RGL1: variants seen among roughly 807,000 people sequenced by gnomAD.
RGL1 encodes the protein ral guanine nucleotide dissociation stimulator-like 1.
A neutral mutation model predicts 95.2 loss-of-function variants in RGL1; 24 were observed. The ratio of observed to expected loss-of-function variants is 0.25; its 90% confidence interval spans 0.18 to 0.35. The LOEUF (loss-of-function observed/expected upper bound fraction) is 0.35, where lower values mean the gene tolerates loss of function less well. Among genes scored for constraint, RGL1 ranks in the 10% least tolerant of loss-of-function variants. The probability of loss-of-function intolerance (pLI) is 1.00; values close to 1 mark genes in which losing one functional copy is unlikely to be tolerated. For missense variants in RGL1, 715 were observed against 936.3 expected (o/e 0.76, Z 3.08); for synonymous variants, 329 against 344.9 (o/e 0.95, Z 0.51).
intron 1 of RGL1, among the ~76,000 whole-genome samples, chr1:183,650,205 C>CT: frequency 6.6e-6 from 1 of 152,196 alleles, no homozygotes; most frequent in East Asian, 1.9e-4. Context: ...TTATACCCTG[C>CT]TTTTTCACTT....
upstream of RGL1, among the ~76,000 whole-genome samples, chr1:183,800,433 C>T (rs1017688877): frequency 2.6e-5 from 4 of 152,038 alleles, no homozygotes; most frequent in East Asian, 5.8e-4. Flanking sequence ...ATACCTCTTT[C>T]CTCTTATATG....
At chr1:183,783,964 A>G (rs1404999438) in intron 2 of RGL1, among the ~76,000 whole-genome samples, 1 of 152,152 alleles carries the variant, frequency 6.6e-6, no homozygotes, top group Non-Finnish European at 1.5e-5. Flanking sequence ...CAATGATGAG[A>G]TTATTCTGAG....
At chr1:183,638,355 A>G (rs1400219261) in intron 1 of RGL1, among the ~76,000 whole-genome samples, 1 of 152,168 alleles carries the variant, frequency 6.6e-6, no homozygotes, top group Non-Finnish European at 1.5e-5. Context: ...AGTATTTTTT[A>G]TTGTCTCACA....
intron 2 of RGL1, among the ~76,000 whole-genome samples, chr1:183,833,476 G>T (rs1663402482): frequency 6.6e-6 from 1 of 152,174 alleles, no homozygotes; most frequent in Non-Finnish European, 1.5e-5. Context: ...AATCTCTGGG[G>T]CATGGGCTCA....
At chr1:183,665,861 GT>G (rs1201454346) in intron 1 of RGL1, among the ~76,000 whole-genome samples, 2 of 151,646 alleles carry the variant, frequency 1.3e-5, no homozygotes, top group Non-Finnish European at 2.9e-5. Context: ...TTTCTCCATT[GT>G]TTTTCTATTT....
intron 1 of RGL1, among the ~76,000 whole-genome samples, chr1:183,681,959 G>A (rs557978632): frequency 6.6e-6 from 1 of 152,298 alleles, no homozygotes; most frequent in African/African-American, 2.4e-5. Flanking sequence ...TTGTGTAGAG[G>A]TGTTTATAGT....
At chr1:183,856,857 A>T (rs1219740678) in intron 3 of RGL1, among the ~76,000 whole-genome samples, 1 of 152,110 alleles carries the variant, frequency 6.6e-6, no homozygotes, top group Non-Finnish European at 1.5e-5. Flanking sequence ...TGCCTTTCAT[A>T]AAAGGTCTCA....
In RGL1 at chr1:183,908,449, C is replaced by G. The variant is rs976420548; in HGVS notation, c.1562+1348C>G. 3.3e-5 allele frequency among the ~76,000 whole-genome samples: 5 copies of G among 152,216 alleles called. No homozygotes were observed. The South Asian group carries it at 1.0e-3, about 32-fold the overall frequency. On this transcript the variant is annotated intron_variant, in intron 14 of 17. Transcript: ENST00000360851. ...CTTTAGTAGAAAGCATCTGGAAGATCATCCTGTGTTTTGCTCACCCTCTCT... is the reference window on the plus strand; with the variant it reads ...CTTTAGTAGAAAGCATCTGGAAGATGATCCTGTGTTTTGCTCACCCTCTCT...
intron 2 of RGL1, among the ~76,000 whole-genome samples, chr1:183,799,362 A>T (rs970855225): frequency 2.2e-4 from 34 of 152,162 alleles, no homozygotes; most frequent in Non-Finnish European, 2.9e-4. Flanking sequence ...TGGTAGTTCT[A>T]TTTTTAATTT....
chr1:183,857,606 G>T (rs551637936), intron 3 of RGL1, among the ~76,000 whole-genome samples: 2 of 152,138 alleles, frequency 1.3e-5, no homozygotes, highest in Non-Finnish European at 2.9e-5. Context: ...AAGCATGGCC[G>T]GAGCCAGAAT....
intron 2 of RGL1, among the ~76,000 whole-genome samples, chr1:183,795,071 A>G (rs1025278121): frequency 6.6e-6 from 1 of 152,176 alleles, no homozygotes; most frequent in Non-Finnish European, 1.5e-5. Context: ...GTCTTGCTGC[A>G]TTGCCCAGGC....
At chr1:183,889,387 A>G (rs560214161) in intron 8 of RGL1, among the ~76,000 whole-genome samples, 61 of 152,318 alleles carry the variant, frequency 4.0e-4, no homozygotes, top group African/African-American at 1.4e-3. Flanking sequence ...GGAAGAATCT[A>G]TAAATTCTGT....
intron 16 of RGL1, among the ~76,000 whole-genome samples, chr1:183,919,724 G>A (rs10911469): frequency 0.58 from 88,274 of 152,026 alleles, 25,707 homozygotes; most frequent in African/African-American, 0.62. Flanking sequence ...TCTCTCCATT[G>A]TGTCAATCAC....
chr1:183,669,991 A>G (rs1652332824), intron 1 of RGL1, among the ~76,000 whole-genome samples: 2 of 152,214 alleles, frequency 1.3e-5, no homozygotes, highest in South Asian at 2.1e-4. Flanking sequence ...CGTAGGGATT[A>G]TGGGAGCTAC....
At chr1:183,648,097 T>C (rs1410843045) in intron 1 of RGL1, 2 of 1,614,238 alleles carry the variant, frequency 1.2e-6, no homozygotes, top group South Asian at 1.1e-5. Flanking sequence ...ATGGCATTGA[T>C]TTCATATGCG....
At chr1:183,921,335 T>A (rs1669299800) in intron 16 of RGL1, among the ~76,000 whole-genome samples, 2 of 152,248 alleles carry the variant, frequency 1.3e-5, no homozygotes, top group African/African-American at 4.8e-5. Flanking sequence ...ATGAAACTAC[T>A]ACCCCAAATC....
intron 1 of RGL1, among the ~76,000 whole-genome samples, chr1:183,741,446 T>C (rs1657298505): frequency 6.6e-6 from 1 of 152,194 alleles, no homozygotes; most frequent in African/African-American, 2.4e-5. Context: ...AATAATATCT[T>C]ACAGTAACTG....
At chr1:183,673,559 C>T (rs1280250090) in intron 1 of RGL1, among the ~76,000 whole-genome samples, 1 of 152,196 alleles carries the variant, frequency 6.6e-6, no homozygotes, top group Non-Finnish European at 1.5e-5. Context: ...CTCTGTGTGA[C>T]TTAAATGTCG....
At chr1:183,789,375 G>C (rs766242922) in intron 2 of RGL1, among the ~76,000 whole-genome samples, 1 of 152,160 alleles carries the variant, frequency 6.6e-6, no homozygotes, top group Non-Finnish European at 1.5e-5. Flanking sequence ...GCTCGAACCC[G>C]GGAGGTGGAG....
Sources: gnomAD v4.1 joint callset for allele counts (sites outside exome capture counted in the v4.1 genomes callset) on GRCh38, gnomAD v4.1.1 for gene constraint, MANE v1.5 for transcripts, NCBI Gene and HGNC (gene_info 2026-07-23, HGNC 2026-07-21) for gene names.